The following DVL1 variants were observed in gnomAD, a reference collection of about 807,000 sequenced individuals.
The protein encoded by DVL1 is dishevelled segment polarity protein 1.
Under a neutral mutation model 65.0 loss-of-function variants are expected in DVL1, and 49 were observed. That is an observed-to-expected ratio of 0.75 (90% CI 0.60 to 0.96). The LOEUF (loss-of-function observed/expected upper bound fraction) is 0.96, where lower values mean the gene tolerates loss of function less well. Ranked by LOEUF, DVL1 falls within the 40% of genes least tolerant of loss-of-function variation. The pLI is 0.00. For synonymous variants in DVL1, 608 were observed against 433.9 expected (o/e 1.40, Z -4.99); for missense variants, 1,197 against 1,045.4 (o/e 1.15, Z -2.00).
chr1:1,336,622 G>A (rs994569446), intron 14 of DVL1, 107 bp from the exon 15 acceptor site: 2 of 1,388,016 alleles, frequency 1.4e-6, no homozygotes, highest in Non-Finnish European at 1.9e-6. Context: ...GGCCCGTGCA[G>A]GACGGGTGGG....
intron 1 of DVL1, among the ~76,000 whole-genome samples, chr1:1,347,562 C>T (rs972152257): frequency 1.3e-5 from 2 of 152,228 alleles, no homozygotes; most frequent in Non-Finnish European, 2.9e-5. Flanking sequence ...TGGTGGCACA[C>T]ATTTGCAACA....
At position 1,336,361 on chromosome 1, in the gene DVL1, C is replaced by T; in HGVS notation, c.1869G>A (p.Gln623=). The T allele has an allele frequency of 2.5e-6, 4 of 1,596,206 alleles. No homozygotes were observed. The highest frequency in any genetic ancestry group is 3.4e-6 in the Non-Finnish European group (4 of 1,177,730). ...GSSWRERPAG[Q]LSRGSSPRSQ... is the part of the protein sequence containing the mutation. ...TGCGTGGGCTGCTGCCACGGCTGAG[C>T]TGGCCGGCCGGACGCTCTCGCCAGC... The change falls in exon 15 of 15, where the codon CAG becomes CAA. Residue 623 remains glutamine, a synonymous_variant. Coordinates refer to ENST00000378888, the MANE Select transcript of DVL1 (RefSeq NM_001330311.2).
intron 1 of DVL1, among the ~76,000 whole-genome samples, chr1:1,346,646 G>A (rs1185103801): frequency 3.3e-5 from 5 of 152,248 alleles, no homozygotes; most frequent in Admixed American, 6.5e-5. Context: ...ACCAGGGCAC[G>A]TGGTTGTGGC....
intron 1 of DVL1, among the ~76,000 whole-genome samples, chr1:1,345,075 C>A (rs1480246498): frequency 6.6e-6 from 1 of 152,118 alleles, no homozygotes; most frequent in Non-Finnish European, 1.5e-5. Flanking sequence ...AGTACAGCAC[C>A]CGCCTGGCTC....
intron 5 of DVL1, among the ~76,000 whole-genome samples, chr1:1,341,159 C>A (rs1219626348): frequency 2.8e-5 from 4 of 145,452 alleles, no homozygotes; most frequent in African/African-American, 1.0e-4. Context: ...TCACATACAC[C>A]TGTACAAGCA....
At chr1:1,346,940 G>A (rs1169923775) in intron 1 of DVL1, among the ~76,000 whole-genome samples, 2 of 152,194 alleles carry the variant, frequency 1.3e-5, no homozygotes, top group East Asian at 3.8e-4. Flanking sequence ...TGACCAACCA[G>A]CCCCTCCCAC....
chr1:1,338,229 T>TTGGGC, intron 13 of DVL1, 40 bp downstream of exon 13: 7 of 1,522,340 alleles, frequency 4.6e-6, no homozygotes, highest in Non-Finnish European at 6.3e-6. Context: ...CCTCCGGCGT[T>TTGGGC]CCCCTCCCCC....
intron 5 of DVL1, 45 bp from the exon 6 acceptor site, chr1:1,340,548 A>T: frequency 6.5e-7 from 1 of 1,548,918 alleles, no homozygotes; most frequent in African/African-American, 1.4e-5. Flanking sequence ...AGACATGGGT[A>T]GGGGGGTGGG....
chr1:1,338,229 T>TGGCCCCCCCCCCCCCCCCCCCAC, intron 13 of DVL1, 40 bp downstream of exon 13: 1 of 1,522,372 alleles, frequency 6.6e-7, no homozygotes, highest in Non-Finnish European at 9.0e-7. Context: ...CCTCCGGCGT[T>TGGCCCCCCCCCCCCCCCCCCCAC]CCCCTCCCCC....
rs1037821853 is a variant in DVL1, at chr1:1,335,955, G to A, written c.*187C>T. ...GGCAGAGAGGGAGCGCCCCCAACAC[G>A]GCTGCTCAGACACAGGTGCTGTCAG... On this transcript the variant is annotated 3_prime_UTR_variant, in exon 15 of 15. Coordinates refer to ENST00000378888, the MANE Select transcript of DVL1 (RefSeq NM_001330311.2). 8.0e-5 allele frequency: 60 copies of A among 748,636 alleles called. No individual in the cohort carries two copies. Among genetic ancestry groups the A allele is most frequent in the Middle Eastern group, 3.8e-4 (1 of 2,654 alleles). 46.4% of individuals were successfully genotyped at this position (748,636 alleles called of 1,614,324 possible). A position where few individuals can be genotyped will look rare whatever the true frequency, so the allele number is the denominator to read the frequency against.
intron 1 of DVL1, among the ~76,000 whole-genome samples, chr1:1,343,255 G>A (rs536092957): frequency 1.6e-4 from 3 of 19,032 alleles, no homozygotes; most frequent in Non-Finnish European, 2.9e-4. Flanking sequence ...CTGGGGCTTG[G>A]AGCCCCCCCC....
Position 1,335,333 on chromosome 1 carries a change from C to T in DVL1, c.*809G>A, listed in dbSNP as rs908211164. The T allele has an allele frequency of 2.0e-5, 3 of 152,254 alleles. No individual in the cohort carries two copies. The highest frequency in any genetic ancestry group is 2.0e-4 in the Admixed American group (3 of 15,286). 9.4% of individuals were successfully genotyped at this position (152,254 alleles called of 1,614,324 possible). A position where few individuals can be genotyped will look rare whatever the true frequency, so the allele number is the denominator to read the frequency against. Reference sequence around the variant, plus strand: ...AAAATAAGCAGCATTTACACAGAAGCAGCTCTATGTTAACCATCTAAACGC... The same window carrying T: ...AAAATAAGCAGCATTTACACAGAAGTAGCTCTATGTTAACCATCTAAACGC... On this transcript the variant is annotated 3_prime_UTR_variant, in exon 15 of 15. Transcript: ENST00000378888.
chr1:1,348,653 G>C (rs1180310406), intron 1 of DVL1, among the ~76,000 whole-genome samples: 2 of 152,162 alleles, frequency 1.3e-5, no homozygotes, highest in Non-Finnish European at 2.9e-5. Flanking sequence ...GGCAGGACTC[G>C]GGGCCGGGAA....
At position 1,340,239 on chromosome 1, in the gene DVL1, G is replaced by C. The variant is rs1355661111; in HGVS notation, c.769+8C>G. On this transcript the variant is annotated splice_region_variant and intron_variant, in intron 7 of 14. Transcript: ENST00000378888. The stretch of plus-strand genomic sequence containing the variant: ...CCCCTGCCCCCAACCCTCGCCCCGA[G>C]GCCTCACCCATGTTGAGCGTGACAG... The C allele has an allele frequency of 6.2e-7, 1 of 1,613,934 alleles. No individual in the cohort carries two copies. The highest frequency in any genetic ancestry group is 1.3e-5 in the African/African-American group (1 of 75,046).
chr1:1,345,270 A>T (rs972832883), intron 1 of DVL1, among the ~76,000 whole-genome samples: 4 of 152,164 alleles, frequency 2.6e-5, no homozygotes, highest in Admixed American at 6.5e-5. Flanking sequence ...AACAGGGTGT[A>T]ACAAGTCCTC....
chr1:1,341,520 A>C, intron 5 of DVL1, 147 bp downstream of exon 5: 1 of 1,122,718 alleles, frequency 8.9e-7, no homozygotes, highest in Non-Finnish European at 1.2e-6. Context: ...CACGTGCATC[A>C]TGTACACAGA....
In DVL1 at chr1:1,336,168, A is replaced by C. The variant is rs777173993; in HGVS notation, c.2062T>G (p.Cys688Gly). The C allele has an allele frequency of 1.9e-6, 3 of 1,575,402 alleles. No individual in the cohort carries two copies. The South Asian group carries it at 3.4e-5, about 18-fold the overall frequency. ...CACATGATGTCCACGAAGAACTCGCAGGGGTTCCCCATAGCCTTCTGGAAG... is the reference window on the plus strand; with the variant it reads ...CACATGATGTCCACGAAGAACTCGCCGGGGTTCCCCATAGCCTTCTGGAAG... Reference protein sequence around the residue: ...QSFQKAMGNPCEFFVDIM With the variant: ...QSFQKAMGNPGEFFVDIM The change falls in exon 15 of 15, where the codon TGC becomes GGC. Residue 688 changes from cysteine (C) to glycine (G), a missense_variant. Cys to Gly is a radical substitution (Grantham distance 159, BLOSUM62 -3). Transcript: ENST00000378888.
At position 1,338,378 on chromosome 1, in the gene DVL1, C is replaced by A. The variant is rs2100718483; in HGVS notation, c.1398G>T (p.Glu466Asp). 3.1e-6 allele frequency: 5 copies of A among 1,612,542 alleles called. No homozygotes were observed. Among genetic ancestry groups the A allele is most frequent in the Non-Finnish European group, 4.2e-6 (5 of 1,179,864 alleles). ...THVEGFKERR[E>D]ARKYASSLLK... ...GCAAGCTGCTGGCGTACTTCCGGGCCTCCCGCCGCTCCTTGAAGCCCTCCA... is the reference window on the plus strand; with the variant it reads ...GCAAGCTGCTGGCGTACTTCCGGGCATCCCGCCGCTCCTTGAAGCCCTCCA... The change falls in exon 13 of 15, where the codon GAG (glutamate) becomes GAT (aspartate). Residue 466 changes from glutamate (E) to aspartate (D), a missense_variant. Transcript: ENST00000378888.
chr1:1,338,450 G>C lies in DVL1; in HGVS notation c.1340-14C>G, dbSNP rs1261717123. ...CCACGTCCGCCCCTGGCCGGCACCA[G>C]CGGTCAGCCCGCAGCCTCGAGGCAA... On this transcript the variant is annotated splice_polypyrimidine_tract_variant and intron_variant, in intron 12 of 14. Coordinates refer to ENST00000378888, the MANE Select transcript of DVL1 (RefSeq NM_001330311.2). 6 of 1,608,978 alleles carry C rather than the reference G, an allele frequency of 3.7e-6. No homozygotes were observed. Among genetic ancestry groups the C allele is most frequent in the South Asian group, 3.3e-5 (3 of 90,926 alleles).
Sources: gnomAD v4.1 joint callset for allele counts (sites outside exome capture counted in the v4.1 genomes callset) on GRCh38, gnomAD v4.1.1 for gene constraint, MANE v1.5 for transcripts, NCBI Gene and HGNC (gene_info 2026-07-23, HGNC 2026-07-21) for gene names.